The following GRID1 variants were observed in gnomAD, a reference collection of about 807,000 sequenced individuals.
GRID1 encodes glutamate receptor ionotropic, delta-1.
GRID1 carries 28 observed loss-of-function variants against 98.0 expected under a neutral mutation model. The observed-to-expected ratio is 0.29, with a 90% CI of 0.21 to 0.39. The LOEUF (loss-of-function observed/expected upper bound fraction) is 0.39. GRID1 is among the 10% of genes least tolerant of loss of function. The pLI is 1.00. For synonymous variants in GRID1, 553 were observed against 538.5 expected (o/e 1.03, Z -0.37); for missense variants, 1,111 against 1,340.5 (o/e 0.83, Z 2.67).
intron 3 of GRID1, among the ~76,000 whole-genome samples, chr10:86,179,823 C>T (rs192161092): frequency 1.3e-5 from 2 of 152,348 alleles, no homozygotes; most frequent in African/African-American, 4.8e-5. Context: ...ATGATCCTCC[C>T]CAGGGCATCC....
At chr10:86,327,449 T>C (rs957422512) in intron 2 of GRID1, among the ~76,000 whole-genome samples, 1 of 152,196 alleles carries the variant, frequency 6.6e-6, no homozygotes, top group Non-Finnish European at 1.5e-5. Context: ...CAAACCCACA[T>C]GAGAACAATA....
chr10:86,103,552 T>C (rs1378715338), intron 4 of GRID1, among the ~76,000 whole-genome samples: 6 of 152,202 alleles, frequency 3.9e-5, no homozygotes, highest in Admixed American at 3.3e-4. Context: ...GGAGCCCATG[T>C]GGACAAGCAG....
At chr10:85,608,644 T>C (rs1842699470) in intron 15 of GRID1, among the ~76,000 whole-genome samples, 2 of 152,156 alleles carry the variant, frequency 1.3e-5, no homozygotes, top group South Asian at 2.1e-4. Context: ...AGAAGGCACA[T>C]TGATGGCAAT....
chr10:85,743,209 G>A (rs1183236580), intron 8 of GRID1, among the ~76,000 whole-genome samples: 1 of 147,150 alleles, frequency 6.8e-6, no homozygotes. Flanking sequence ...GACCACCTGT[G>A]GGTCCCACAT....
At chr10:85,842,180 T>C (rs1427928271) in intron 8 of GRID1, among the ~76,000 whole-genome samples, 1 of 152,060 alleles carries the variant, frequency 6.6e-6, no homozygotes, top group Non-Finnish European at 1.5e-5. Flanking sequence ...TGCAAGGACA[T>C]GGTTGGAGCT....
chr10:85,939,005 C>T (rs897125535), intron 4 of GRID1, among the ~76,000 whole-genome samples: 4 of 152,236 alleles, frequency 2.6e-5, no homozygotes, highest in Non-Finnish European at 5.9e-5. Flanking sequence ...TAAACGGATG[C>T]TGACACTTGT....
At chr10:85,640,703 C>T (rs1362692050) in intron 13 of GRID1, among the ~76,000 whole-genome samples, 2 of 152,190 alleles carry the variant, frequency 1.3e-5, no homozygotes, top group Non-Finnish European at 2.9e-5. Flanking sequence ...GTCCCTGACA[C>T]TAAGCAGAGA....
intron 4 of GRID1, among the ~76,000 whole-genome samples, chr10:86,086,018 C>T (rs1403298976): frequency 6.6e-6 from 1 of 152,130 alleles, no homozygotes; most frequent in Non-Finnish European, 1.5e-5. Flanking sequence ...AGCCTCTAGT[C>T]CTTTGCACTC....
At chr10:85,913,846 T>C (rs1336634314) in intron 5 of GRID1, among the ~76,000 whole-genome samples, 3 of 152,060 alleles carry the variant, frequency 2.0e-5, no homozygotes, top group South Asian at 2.1e-4. Context: ...CCTTGCCTCA[T>C]AGAAAAGGAA....
At chr10:86,125,502 G>A (rs1844739087) in intron 4 of GRID1, among the ~76,000 whole-genome samples, 1 of 152,216 alleles carries the variant, frequency 6.6e-6, no homozygotes, top group African/African-American at 2.4e-5. Flanking sequence ...AATGGTTAAA[G>A]AGCTCAGTTC....
chr10:85,618,549 A>G (rs1285229874), intron 14 of GRID1, among the ~76,000 whole-genome samples: 2 of 152,206 alleles, frequency 1.3e-5, no homozygotes, highest in Admixed American at 1.3e-4. Flanking sequence ...GGAGGAAAAG[A>G]ATGTATACTT....
chr10:86,008,700 C>A (rs904728835), intron 4 of GRID1, among the ~76,000 whole-genome samples: 10 of 152,100 alleles, frequency 6.6e-5, no homozygotes, highest in African/African-American at 1.9e-4. Context: ...AATAAAATGC[C>A]ATTTTATACA....
At chr10:86,074,072 ACAAAAATAAATCCCTCTC>A (rs1289640303) in intron 4 of GRID1, among the ~76,000 whole-genome samples, 1 of 137,266 alleles carries the variant, frequency 7.3e-6, no homozygotes, top group East Asian at 1.9e-4. Flanking sequence ...CAAATAGTAG[ACAAAAATAAATCCCTCTC>A]CACTTTCTTT....
At chr10:85,863,657 A>G (rs1300218207) in intron 6 of GRID1, among the ~76,000 whole-genome samples, 1 of 152,150 alleles carries the variant, frequency 6.6e-6, no homozygotes, top group East Asian at 1.9e-4. Context: ...GCTCCTCAGG[A>G]GTGCTGCAGG....
intron 5 of GRID1, among the ~76,000 whole-genome samples, chr10:85,902,957 GTTTCTCCTCC>G (rs990730745): frequency 6.6e-6 from 1 of 152,126 alleles, no homozygotes; most frequent in African/African-American, 2.4e-5. Context: ...TCCATGGTGA[GTTTCTCCTCC>G]TTTCTCTGGC....
chr10:85,940,272 T>G (rs1305770084), intron 4 of GRID1, among the ~76,000 whole-genome samples: 1 of 152,172 alleles, frequency 6.6e-6, no homozygotes, highest in Non-Finnish European at 1.5e-5. Context: ...TCCAACACTC[T>G]GCTCTTATTT....
chr10:85,685,616 G>C (rs183851149), intron 12 of GRID1, among the ~76,000 whole-genome samples: 1 of 152,172 alleles, frequency 6.6e-6, no homozygotes, highest in Non-Finnish European at 1.5e-5. Context: ...AGACAAACTA[G>C]GTTGGAGACG....
chr10:86,077,932 G>C (rs1217919369), intron 4 of GRID1, among the ~76,000 whole-genome samples: 1 of 152,268 alleles, frequency 6.6e-6, no homozygotes, highest in African/African-American at 2.4e-5. Context: ...AGCCTAAGAA[G>C]CTTTGACTCC....
intron 10 of GRID1, among the ~76,000 whole-genome samples, chr10:85,724,886 T>C (rs1841745708): frequency 6.6e-6 from 1 of 152,248 alleles, no homozygotes; most frequent in African/African-American, 2.4e-5. Flanking sequence ...CTCTCTCTTC[T>C]AAAAACTTCA....
Sources: allele counts gnomAD v4.1 joint callset (sites outside exome capture counted in the v4.1 genomes callset), GRCh38; gene constraint gnomAD v4.1.1; transcripts MANE v1.5; gene names NCBI Gene and HGNC (gene_info 2026-07-23, HGNC 2026-07-21).